COL25A1: variants seen among roughly 807,000 people sequenced by gnomAD.
COL25A1 encodes collagen type XXV alpha 1 chain.
A neutral mutation model predicts 128.4 loss-of-function variants in COL25A1; 103 were observed. The ratio of observed to expected loss-of-function variants is 0.80; its 90% CI spans 0.68 to 0.94. The LOEUF is 0.94. Among genes scored for constraint, COL25A1 ranks in the 40% least tolerant of loss-of-function variants. The pLI is 0.00. For missense variants in COL25A1, 745 were observed against 840.0 expected, an observed-to-expected ratio of 0.89 and a Z score of 1.40; for synonymous variants, 279 against 277.2, an observed-to-expected ratio of 1.01 and a Z score of -0.06.
In COL25A1 at chr4:109,146,259, C is replaced by T. The variant is rs1455738840; in HGVS notation, c.368-96080G>A. The stretch of plus-strand genomic sequence containing the variant: ...CATTTTGAGACGCTCTCATTAAGTA[C>T]TAACACCCCTCATAATTACTATTTA... On this transcript the variant is annotated intron_variant, in intron 3 of 37. Coordinates refer to ENST00000399132, the MANE Select transcript of COL25A1 (RefSeq NM_198721.4). Among the ~76,000 whole-genome samples the T allele has an allele frequency of 2.6e-5, 4 of 152,100 alleles. No homozygotes were observed. The South Asian group carries it at 6.2e-4, about 24-fold the overall frequency.
chr4:109,020,972 G>A (rs564035626), intron 5 of COL25A1, among the ~76,000 whole-genome samples: 7 of 152,146 alleles, frequency 4.6e-5, no homozygotes, highest in Non-Finnish European at 1.0e-4. Flanking sequence ...GCATTCCATA[G>A]AAGCTTTTGA....
At chr4:108,844,801 A>G (rs1299456576) in intron 29 of COL25A1, among the ~76,000 whole-genome samples, 1 of 152,364 alleles carries the variant, frequency 6.6e-6, no homozygotes, top group African/African-American at 2.4e-5. Flanking sequence ...ACTATGTTAA[A>G]AGAAAAGGAA....
chr4:108,837,937 A>G (rs1470619659), intron 31 of COL25A1, among the ~76,000 whole-genome samples: 1 of 152,252 alleles, frequency 6.6e-6, no homozygotes, highest in African/African-American at 2.4e-5. Context: ...AAGAGAAGAC[A>G]TCAGAGAAAA....
chr4:109,194,525 T>G (rs1775864529), intron 3 of COL25A1, among the ~76,000 whole-genome samples: 1 of 152,134 alleles, frequency 6.6e-6, no homozygotes, highest in Non-Finnish European at 1.5e-5. Flanking sequence ...GATGTCATCC[T>G]TACCCCATGG....
At chr4:108,835,477 C>G (rs1223142034) in intron 31 of COL25A1, among the ~76,000 whole-genome samples, 1 of 152,212 alleles carries the variant, frequency 6.6e-6, no homozygotes, top group East Asian at 1.9e-4. Flanking sequence ...ATTCTACATA[C>G]ATTTTGAGTA....
At chr4:108,951,770 G>C (rs1749468452) in intron 8 of COL25A1, among the ~76,000 whole-genome samples, 2 of 152,112 alleles carry the variant, frequency 1.3e-5, no homozygotes, top group African/African-American at 2.4e-5. Context: ...CAGATGTAAG[G>C]CTATTTATGG....
chr4:109,003,374 A>G (rs1755641679), intron 6 of COL25A1, among the ~76,000 whole-genome samples: 2 of 152,274 alleles, frequency 1.3e-5, no homozygotes, highest in Non-Finnish European at 2.9e-5. Flanking sequence ...TGTACCTTAT[A>G]TATAGGGGCT....
At chr4:109,175,283 C>T (rs1488755653) in intron 3 of COL25A1, among the ~76,000 whole-genome samples, 2 of 152,190 alleles carry the variant, frequency 1.3e-5, no homozygotes, top group Admixed American at 1.3e-4. Flanking sequence ...ATAGTTTGTG[C>T]CAAACCCAAA....
chr4:108,851,339 T>C (rs913911824), intron 26 of COL25A1, among the ~76,000 whole-genome samples: 1 of 152,130 alleles, frequency 6.6e-6, no homozygotes, highest in Admixed American at 6.6e-5. Flanking sequence ...CTCAGTAATA[T>C]TGTAATTTAT....
intron 3 of COL25A1, among the ~76,000 whole-genome samples, chr4:109,277,914 TCACCAGGTCA>T (rs1722998461): frequency 6.6e-6 from 1 of 152,062 alleles, no homozygotes; most frequent in Admixed American, 6.6e-5. Flanking sequence ...GGCAGGTGGA[TCACCAGGTCA>T]GGAGATCAAG....
chr4:109,172,857 G>T (rs1048517547), intron 3 of COL25A1, among the ~76,000 whole-genome samples: 1 of 152,164 alleles, frequency 6.6e-6, no homozygotes, highest in Non-Finnish European at 1.5e-5. Flanking sequence ...CATAATGGAA[G>T]ATTCATCATG....
At chr4:108,923,967 T>C (rs1037142738) in intron 11 of COL25A1, among the ~76,000 whole-genome samples, 3 of 152,220 alleles carry the variant, frequency 2.0e-5, no homozygotes, top group Non-Finnish European at 4.4e-5. Flanking sequence ...TCTAGTTTTA[T>C]TTTTTCAACA....
chr4:109,055,233 T>C (rs561461761), intron 3 of COL25A1, among the ~76,000 whole-genome samples: 2 of 152,278 alleles, frequency 1.3e-5, no homozygotes, highest in East Asian at 3.9e-4. Context: ...ATTCTCTCCA[T>C]ACTCATAAAA....
At chr4:109,100,932 C>T (rs1765833576) in intron 3 of COL25A1, among the ~76,000 whole-genome samples, 2 of 152,142 alleles carry the variant, frequency 1.3e-5, no homozygotes, top group Admixed American at 1.3e-4. Flanking sequence ...GGTGATCTCA[C>T]CCAAACTCAG....
chr4:108,859,783 A>G (rs1188181377), intron 23 of COL25A1, 50 bp from the exon 24 acceptor site: 2 of 1,393,524 alleles, frequency 1.4e-6, no homozygotes, highest in African/African-American at 1.4e-5. Flanking sequence ...CTTAGCATGT[A>G]GGGTGGACTG....
chr4:109,133,292 G>C (rs544176468), intron 3 of COL25A1, among the ~76,000 whole-genome samples: 32 of 152,118 alleles, frequency 2.1e-4, no homozygotes, highest in African/African-American at 7.0e-4. Flanking sequence ...TATGACCCAA[G>C]TAATAGAAAT....
chr4:108,918,282 T>C (rs1361699969), intron 12 of COL25A1, 66 bp from the exon 13 acceptor site: 2 of 1,183,612 alleles, frequency 1.7e-6, no homozygotes, highest in East Asian at 2.4e-5. Flanking sequence ...TAAATTTATA[T>C]TGTATTAGTT....
intron 3 of COL25A1, among the ~76,000 whole-genome samples, chr4:109,224,755 C>T (rs190754896): frequency 6.6e-6 from 1 of 152,186 alleles, no homozygotes; most frequent in East Asian, 1.9e-4. Context: ...GCCGGACCAA[C>T]ATGGAGAAAC....
chr4:108,937,940 C>CCAGT, intron 10 of COL25A1, 97 bp from the exon 11 acceptor site: 3 of 898,998 alleles, frequency 3.3e-6, no homozygotes, highest in Non-Finnish European at 5.2e-6. Flanking sequence ...ATGTAAATGT[C>CCAGT]AAATATATTT....
Sources: gnomAD v4.1 joint callset for allele counts (sites outside exome capture counted in the v4.1 genomes callset) on GRCh38, gnomAD v4.1.1 for gene constraint, MANE v1.5 for transcripts, NCBI Gene and HGNC (gene_info 2026-07-23, HGNC 2026-07-21) for gene names.